DPP6: variants seen among roughly 807,000 people sequenced by gnomAD.
DPP6 encodes A-type potassium channel modulatory protein DPP6.
In DPP6, 69 loss-of-function variants were observed where a neutral mutation model predicts 122.6. The ratio of observed to expected loss-of-function variants is 0.56; its 90% CI spans 0.46 to 0.69. The LOEUF (loss-of-function observed/expected upper bound fraction) is 0.69. Among genes scored for constraint, DPP6 ranks in the 30% least tolerant of loss-of-function variants. The pLI is 0.00. For synonymous variants in DPP6, 418 were observed against 433.1 expected (o/e 0.97, Z 0.43); for missense variants, 928 against 1,116.9 (o/e 0.83, Z 2.41).
Position 154,863,821 on chromosome 7 carries a change from T to C in DPP6, c.1715-4174T>C, listed in dbSNP as rs144084981. Among the ~76,000 whole-genome samples, 268 of 152,002 alleles carry C rather than the reference T, an allele frequency of 1.8e-3. 1 individual carries two copies. Among genetic ancestry groups the C allele is most frequent in the African/African-American group, 6.2e-3 (257 of 41,478 alleles). On this transcript the variant is annotated intron_variant, in intron 17 of 25. Transcript: ENST00000377770. The surrounding 1 kb of genome is among the most constrained non-coding windows in gnomAD (Gnocchi z 4.1). ...AAGACCCTGTCTCAAAAAACAAAAA[T>C]GGAGCTCAGAGAAAAGAGATTTCCA...
At chr7:154,301,136 TAAC>T (rs1300490881) in intron 1 of DPP6, among the ~76,000 whole-genome samples, 1 of 152,192 alleles carries the variant, frequency 6.6e-6, no homozygotes, top group East Asian at 1.9e-4. Flanking sequence ...ATGGGGGAAA[TAAC>T]AGTCTGCCTC....
chr7:154,795,074 A>C (rs1797958991), intron 11 of DPP6, among the ~76,000 whole-genome samples: 1 of 152,034 alleles, frequency 6.6e-6, no homozygotes, highest in Admixed American at 6.5e-5. Context: ...ATTCCAGGCT[A>C]TTCTGATGAG....
chr7:154,725,405 C>T (rs1842016860), intron 7 of DPP6, among the ~76,000 whole-genome samples: 2 of 152,084 alleles, frequency 1.3e-5, no homozygotes, highest in Admixed American at 6.5e-5. Flanking sequence ...CTGGAGAGGC[C>T]TCAGAAAACT....
intron 1 of DPP6, chr7:154,055,878 C>A (rs956037002): frequency 2.0e-5 from 3 of 152,220 alleles, no homozygotes; most frequent in African/African-American, 7.2e-5. Context: ...TGATGGCAAG[C>A]AGCATACCTT....
chr7:154,063,058 GAGT>G (rs1802249920), intron 1 of DPP6, among the ~76,000 whole-genome samples: 1 of 129,188 alleles, frequency 7.7e-6, no homozygotes, highest in African/African-American at 2.9e-5. Context: ...CCCCCCACGA[GAGT>G]GGGGACTGAG....
intron 5 of DPP6, among the ~76,000 whole-genome samples, chr7:154,612,169 C>G (rs1046692218): frequency 3.9e-5 from 6 of 152,094 alleles, no homozygotes; most frequent in African/African-American, 1.4e-4. Flanking sequence ...TCCAGACCTG[C>G]GAGCCAATAG....
At chr7:154,749,047 G>T (rs986706209) in intron 8 of DPP6, among the ~76,000 whole-genome samples, 1 of 151,658 alleles carries the variant, frequency 6.6e-6, no homozygotes, top group African/African-American at 2.4e-5. Flanking sequence ...GCTTTACTGA[G>T]AGAGGGTGAG....
chr7:154,717,034 T>C (rs1841527204), intron 7 of DPP6, among the ~76,000 whole-genome samples: 1 of 152,180 alleles, frequency 6.6e-6, no homozygotes. Context: ...AGTTTCTTCA[T>C]GTTGGTCAGG....
the DPP6 span, among the ~76,000 whole-genome samples, chr7:153,786,084 C>T: frequency 1.7e-4 from 26 of 152,282 alleles, no homozygotes; most frequent in Non-Finnish European, 2.9e-4. Context: ...ACAGCATTGT[C>T]TTTTGTGCAT....
At chr7:153,929,064 G>C (rs182331831) in intron 1 of DPP6, among the ~76,000 whole-genome samples, 2 of 152,176 alleles carry the variant, frequency 1.3e-5, no homozygotes, top group Admixed American at 1.3e-4. Flanking sequence ...GAGAGATGAC[G>C]TGACTGGAAG....
At chr7:154,132,727 T>G (rs918196151) in intron 1 of DPP6, among the ~76,000 whole-genome samples, 20 of 152,066 alleles carry the variant, frequency 1.3e-4, no homozygotes, top group Non-Finnish European at 2.5e-4. Flanking sequence ...CATCAAAAAA[T>G]CTTCCATTGG....
chr7:154,204,585 C>A (rs78378114), intron 1 of DPP6, among the ~76,000 whole-genome samples: 1 of 152,176 alleles, frequency 6.6e-6, no homozygotes, highest in Non-Finnish European at 1.5e-5. Flanking sequence ...TTGGAAGGGA[C>A]GCTGCTCAGA....
the DPP6 span, among the ~76,000 whole-genome samples, chr7:153,768,070 G>C: frequency 4.6e-5 from 7 of 151,706 alleles, 1 homozygote; most frequent in African/African-American, 7.3e-5. Flanking sequence ...TCTAGGTGTA[G>C]AATTCTCATC....
At chr7:154,034,635 C>T (rs1799426345) in intron 1 of DPP6, among the ~76,000 whole-genome samples, 1 of 152,182 alleles carries the variant, frequency 6.6e-6, no homozygotes. Flanking sequence ...CATGACTCAG[C>T]AGTGTAACAC....
At chr7:154,030,478 C>T (rs1424914384) in intron 1 of DPP6, among the ~76,000 whole-genome samples, 1 of 152,104 alleles carries the variant, frequency 6.6e-6, no homozygotes, top group Non-Finnish European at 1.5e-5. Flanking sequence ...CAGGCTTACA[C>T]CATCTGGAGC....
intron 1 of DPP6, among the ~76,000 whole-genome samples, chr7:153,926,489 TAG>T (rs1585042800): frequency 6.6e-6 from 1 of 152,164 alleles, no homozygotes; most frequent in East Asian, 1.9e-4. Context: ...ACTTGATTTG[TAG>T]AGAGTGCTTT....
intron 1 of DPP6, among the ~76,000 whole-genome samples, chr7:154,269,525 A>G (rs1803655645): frequency 1.3e-5 from 2 of 152,180 alleles, no homozygotes; most frequent in Admixed American, 6.5e-5. Context: ...CACAGAGCCC[A>G]TGAGAACAAG....
At chr7:154,754,355 G>A (rs751161385) in intron 8 of DPP6, among the ~76,000 whole-genome samples, 6 of 152,136 alleles carry the variant, frequency 3.9e-5, no homozygotes, top group Non-Finnish European at 8.8e-5. Flanking sequence ...GACAAAATAA[G>A]GTCAGCATTT....
chr7:154,879,588 CAAAA>C (rs778157355), intron 20 of DPP6, among the ~76,000 whole-genome samples: 3 of 41,618 alleles, frequency 7.2e-5, no homozygotes, highest in Non-Finnish European at 1.1e-4. Flanking sequence ...GACTCCGTCT[CAAAA>C]AAAAAAAAAA....
Sources: gnomAD v4.1 joint callset for allele counts (sites outside exome capture counted in the v4.1 genomes callset) on GRCh38, gnomAD v4.1.1 for gene constraint, Gnocchi (gnomAD v3.1) non-coding constraint, MANE v1.5 for transcripts, NCBI Gene and HGNC (gene_info 2026-07-23, HGNC 2026-07-21) for gene names.